FANCB: variants seen among roughly 807,000 people sequenced by gnomAD.
FANCB encodes the protein Fanconi anemia group B protein.
In FANCB, 5 loss-of-function variants were observed where a neutral mutation model predicts 38.9. That is an observed-to-expected ratio of 0.13 (90% confidence interval 0.07 to 0.27). The LOEUF is 0.27. Ranked by LOEUF, FANCB falls within the 10% of genes least tolerant of loss-of-function variation. The pLI is 1.00. For synonymous variants in FANCB, 236 were observed against 215.4 expected, an observed-to-expected ratio of 1.10 and a Z score of -0.84; for missense variants, 573 against 602.7, an observed-to-expected ratio of 0.95 and a Z score of 0.52.
At chrX:14,767,930 A>G in the FANCB span, among the ~76,000 whole-genome samples, 2 of 112,219 alleles carry the variant, frequency 1.8e-5, no homozygotes, top group East Asian at 5.6e-4. Context: ...AGCACCATTT[A>G]TTAGACAGTC....
At chrX:14,788,935 A>T in the FANCB span, among the ~76,000 whole-genome samples, 2 of 111,920 alleles carry the variant, frequency 1.8e-5, no homozygotes, top group Admixed American at 1.9e-4. Context: ...TTCTTCAAAC[A>T]AATAACAGTA....
downstream of FANCB, among the ~76,000 whole-genome samples, chrX:14,843,217 G>A (rs1339164402): frequency 1.8e-5 from 2 of 111,465 alleles, no homozygotes; most frequent in African/African-American, 6.5e-5. Context: ...ATTCTTTGTT[G>A]TAGGGGGCTG....
the FANCB span, among the ~76,000 whole-genome samples, chrX:14,783,385 C>T: frequency 8.9e-6 from 1 of 111,911 alleles, no homozygotes; most frequent in Non-Finnish European, 1.9e-5. Context: ...AAATCCCCAA[C>T]CTCCCAATGA....
At chrX:14,714,142 T>C in the FANCB span, among the ~76,000 whole-genome samples, 2 of 110,775 alleles carry the variant, frequency 1.8e-5, no homozygotes, top group African/African-American at 6.6e-5. Flanking sequence ...ACTAGATATA[T>C]TGCATAGCCC....
the FANCB span, among the ~76,000 whole-genome samples, chrX:14,725,106 G>T: frequency 9.0e-6 from 1 of 111,458 alleles, no homozygotes; most frequent in Admixed American, 9.5e-5. Context: ...AACTTTTCTT[G>T]GCCTCAGTTT....
chrX:14,860,812 TAACCTCTATC>T (rs899732306), intron 3 of FANCB, among the ~76,000 whole-genome samples: 2 of 111,688 alleles, frequency 1.8e-5, no homozygotes, highest in African/African-American at 6.5e-5. Flanking sequence ...CAGAATACAT[TAACCTCTATC>T]AACAACACAC....
the FANCB span, among the ~76,000 whole-genome samples, chrX:14,712,506 G>GAA: frequency 3.0e-5 from 3 of 101,321 alleles, no homozygotes; most frequent in South Asian, 1.3e-3. Flanking sequence ...ACTCTTAATT[G>GAA]AAAAAAAAAA....
At chrX:14,780,243 T>C in the FANCB span, among the ~76,000 whole-genome samples, 8 of 108,782 alleles carry the variant, frequency 7.4e-5, no homozygotes, top group Non-Finnish European at 1.1e-4. Flanking sequence ...GTGTGGTCGT[T>C]TTTTATTTGT....
the FANCB span, among the ~76,000 whole-genome samples, chrX:14,796,693 TACACACAC>T: frequency 1.1e-5 from 1 of 92,134 alleles, no homozygotes; most frequent in African/African-American, 4.0e-5. Flanking sequence ...CGTCTATATA[TACACACAC>T]ACACACACAC....
the FANCB span, among the ~76,000 whole-genome samples, chrX:14,810,702 A>G: frequency 2.7e-5 from 3 of 112,012 alleles, no homozygotes; most frequent in Non-Finnish European, 5.6e-5. Context: ...GGTGTACCTG[A>G]AAGTGACAGG....
the FANCB span, among the ~76,000 whole-genome samples, chrX:14,689,701 A>C: frequency 8.9e-6 from 1 of 112,217 alleles, no homozygotes; most frequent in Non-Finnish European, 1.9e-5. Flanking sequence ...CAGCTATCAA[A>C]ATATAGGAAA....
the FANCB span, among the ~76,000 whole-genome samples, chrX:14,737,775 T>C: frequency 8.9e-6 from 1 of 112,648 alleles, no homozygotes; most frequent in East Asian, 2.8e-4. Context: ...AATGACATGC[T>C]TTTTGCATCA....
the FANCB span, among the ~76,000 whole-genome samples, chrX:14,804,233 C>T: frequency 1.8e-5 from 2 of 111,722 alleles, no homozygotes; most frequent in Non-Finnish European, 3.8e-5. Flanking sequence ...TGGAACCAAG[C>T]CAAATGTCCA....
chrX:14,730,085 C>A, the FANCB span: 1 of 534,047 alleles, frequency 1.9e-6, no homozygotes, highest in Non-Finnish European at 3.2e-6. Flanking sequence ...CTCGCTATTC[C>A]AAAAGCCTCC....
chrX:14,810,487 G>A, the FANCB span, among the ~76,000 whole-genome samples: 3 of 112,383 alleles, frequency 2.7e-5, no homozygotes, highest in Non-Finnish European at 5.6e-5. Context: ...TGATGGAGCT[G>A]AAAGCCAAGG....
chrX:14,780,013 T>A, the FANCB span, among the ~76,000 whole-genome samples: 1 of 110,913 alleles, frequency 9.0e-6, no homozygotes, highest in Non-Finnish European at 1.9e-5. Context: ...AATGAAAAAT[T>A]CTTAGGTGTT....
chrX:14,767,973 T>A, the FANCB span, among the ~76,000 whole-genome samples: 1 of 111,690 alleles, frequency 9.0e-6, no homozygotes, highest in Non-Finnish European at 1.9e-5. Context: ...TCAGTTTTGT[T>A]GAAGATCAGA....
intron 1 of FANCB, chrX:14,869,307 A>T (rs1337192473): frequency 8.9e-6 from 1 of 112,143 alleles, no homozygotes; most frequent in African/African-American, 3.2e-5. Context: ...CTAATGTTTA[A>T]TCAGTACAAT....
chrX:14,844,613 G>A lies in FANCB; in HGVS notation c.2055C>T (p.Ile685=). The change falls in exon 9 of 10, where the codon ATC becomes ATT. Residue 685 remains isoleucine (I), a synonymous_variant. Transcript: ENST00000650831. ...AAAAGTACACTTCTGGAAATTCTTT[G>A]ATTATTTCACATTTCATATGTTCTA... ...WLLEHMKCEI[I]KEFPEVYFCE... The A allele has an allele frequency of 8.3e-7, 1 of 1,208,068 alleles. No individual in the cohort carries two copies. Among genetic ancestry groups the A allele is most frequent in the Non-Finnish European group, 1.1e-6 (1 of 892,217 alleles).
Sources: allele counts gnomAD v4.1 joint callset (sites outside exome capture counted in the v4.1 genomes callset), GRCh38; gene constraint gnomAD v4.1.1; transcripts MANE v1.5; gene names NCBI Gene and HGNC (gene_info 2026-07-23, HGNC 2026-07-21).